The following USH2A variants were observed in gnomAD, a reference collection of about 807,000 sequenced individuals.
The protein encoded by USH2A is usherin, also known as Usher syndrome 2A (autosomal recessive, mild).
USH2A carries 443 observed loss-of-function variants against 538.9 expected under a neutral mutation model. That is an observed-to-expected ratio of 0.82 (90% CI 0.76 to 0.89). The LOEUF is 0.89. USH2A is among the 40% of genes least tolerant of loss of function. The pLI, the probability that USH2A is intolerant of heterozygous loss-of-function variation, is 0.00. For synonymous variants in USH2A, 2,413 were observed against 2,273.5 expected, an observed-to-expected ratio of 1.06 and a Z score of -1.75; for missense variants, 6,633 against 6,324.8, an observed-to-expected ratio of 1.05 and a Z score of -1.65.
intron 62 of USH2A, among the ~76,000 whole-genome samples, chr1:215,679,854 A>G (rs1658164930): frequency 6.6e-6 from 1 of 152,158 alleles, no homozygotes; most frequent in African/African-American, 2.4e-5. Flanking sequence ...AGGCTTGGGC[A>G]GTTACTTAGC....
intron 35 of USH2A, among the ~76,000 whole-genome samples, chr1:215,984,767 T>TATAG (rs1267982432): frequency 5.3e-5 from 8 of 152,166 alleles, no homozygotes; most frequent in Non-Finnish European, 1.0e-4. Context: ...GTGTAGTGAA[T>TATAG]ATAGATGCTC....
chr1:215,724,534 C>T (rs1008684552), intron 61 of USH2A, among the ~76,000 whole-genome samples: 23 of 152,048 alleles, frequency 1.5e-4, no homozygotes, highest in African/African-American at 5.1e-4. Flanking sequence ...ATTTGTGCGA[C>T]GGTTACACTA....
At chr1:216,254,632 A>G (rs1055136599) in intron 11 of USH2A, among the ~76,000 whole-genome samples, 5 of 152,214 alleles carry the variant, frequency 3.3e-5, no homozygotes, top group Non-Finnish European at 7.3e-5. Flanking sequence ...TCCTGCTGGA[A>G]TATTAGAGGT....
At chr1:215,804,265 A>G (rs1024708949) in intron 49 of USH2A, among the ~76,000 whole-genome samples, 14 of 152,054 alleles carry the variant, frequency 9.2e-5, no homozygotes, top group African/African-American at 3.4e-4. Flanking sequence ...AATGGCAACA[A>G]AAGCCAAAAT....
At chr1:216,119,447 A>G (rs1451563933) in intron 21 of USH2A, among the ~76,000 whole-genome samples, 1 of 151,586 alleles carries the variant, frequency 6.6e-6, no homozygotes, top group Non-Finnish European at 1.5e-5. Context: ...ATAACATTAT[A>G]TATATGGTAT....
rs1057427989 is a variant in USH2A, at chr1:215,900,644, T to C, written c.7451+111A>G. 3.5e-6 allele frequency: 5 copies of C among 1,420,794 alleles called. No individual in the cohort carries two copies. In the African/African-American group the frequency reaches 5.7e-5, roughly 16 times the overall value. The allele number at this position is 1,420,794 out of a possible 1,614,324, so 88.0% of individuals were successfully genotyped here. ...CTAATTGTTTGGGGTTTTTTTGTAC[T>C]TTTAAAAGGTAACCTATATTTTTTG... On this transcript the variant is annotated intron_variant, in intron 39 of 71. Transcript: ENST00000307340.
At chr1:216,310,728 T>C (rs2037404519) in intron 9 of USH2A, among the ~76,000 whole-genome samples, 1 of 152,218 alleles carries the variant, frequency 6.6e-6, no homozygotes. Context: ...CTAATGAATT[T>C]CTGAATTATT....
Position 216,086,724 on chromosome 1 carries a change from T to C in USH2A, c.4982A>G (p.Asp1661Gly). 6.2e-7 allele frequency: 1 copy of C among 1,611,570 alleles called. No individual in the cohort carries two copies. Among genetic ancestry groups the C allele is most frequent in the Non-Finnish European group, 8.5e-7 (1 of 1,178,192 alleles). The change falls in exon 24 of 72, where the codon GAT becomes GGT. Residue 1661 changes from aspartate to glycine, a missense_variant. Transcript: ENST00000307340. ...ATATACCTTACTAAACTCACCAGGATCCTTCCTGAGGATGGTATAACTTCG... is the reference window on the plus strand; with the variant it reads ...ATATACCTTACTAAACTCACCAGGACCCTTCCTGAGGATGGTATAACTTCG... Reference protein sequence around the residue: ...LPRSYTILRKDPEIIQKGFVG... With the variant: ...LPRSYTILRKGPEIIQKGFVG...
At chr1:215,849,145 C>T (rs1663948622) in intron 44 of USH2A, among the ~76,000 whole-genome samples, 1 of 152,142 alleles carries the variant, frequency 6.6e-6, no homozygotes, top group African/African-American at 2.4e-5. Flanking sequence ...AGGCTTCTTC[C>T]TAGCATAAGA....
intron 49 of USH2A, among the ~76,000 whole-genome samples, chr1:215,805,491 G>A (rs1467628439): frequency 6.6e-6 from 1 of 151,988 alleles, no homozygotes; most frequent in African/African-American, 2.4e-5. Flanking sequence ...AGATAAAAGA[G>A]CTCTAGAGAT....
intron 41 of USH2A, among the ~76,000 whole-genome samples, chr1:215,884,688 A>G (rs1276667520): frequency 6.6e-6 from 1 of 152,228 alleles, no homozygotes; most frequent in Non-Finnish European, 1.5e-5. Flanking sequence ...GTAGACATCA[A>G]ACATTGGCCC....
intron 3 of USH2A, among the ~76,000 whole-genome samples, chr1:216,418,023 A>T (rs1265938721): frequency 6.6e-6 from 1 of 152,078 alleles, no homozygotes; most frequent in Admixed American, 6.6e-5. Context: ...ATAATAATAT[A>T]ACACCTTTTG....
chr1:216,041,422 G>C (rs1448198446), intron 32 of USH2A, among the ~76,000 whole-genome samples: 17 of 152,040 alleles, frequency 1.1e-4, no homozygotes, highest in Admixed American at 1.1e-3. Context: ...ATGCTAAGTG[G>C]CTTCTGAATT....
At chr1:216,092,806 C>A (rs1381308192) in intron 22 of USH2A, among the ~76,000 whole-genome samples, 2 of 152,200 alleles carry the variant, frequency 1.3e-5, no homozygotes, top group African/African-American at 4.8e-5. Flanking sequence ...GATCCTAAGG[C>A]CATCCTGCTC....
At position 215,680,365 on chromosome 1, in the gene USH2A, A is replaced by G; in HGVS notation, c.12078T>C (p.His4026=). The change falls in exon 62 of 72, where the codon CAT becomes CAC. Residue 4026 remains histidine (H), a synonymous_variant. Transcript: ENST00000307340. ...VHAFTVKGTS[H]QAHLYGLEPF... ...GTTCTAACCCGTACAGGTGGGCTTG[A>G]TGGCTTGTTCCCTGTAAGAAAATTA... is the stretch of plus-strand genomic sequence containing the variant. The G allele has an allele frequency of 1.2e-6, 2 of 1,613,372 alleles. No homozygotes were observed. The highest frequency in any genetic ancestry group is 1.7e-6 in the Non-Finnish European group (2 of 1,179,864).
intron 35 of USH2A, among the ~76,000 whole-genome samples, chr1:215,985,704 C>T (rs1667854839): frequency 6.6e-6 from 1 of 152,020 alleles, no homozygotes; most frequent in Admixed American, 6.5e-5. Flanking sequence ...ATACATATAT[C>T]TTCATGTGCA....
chr1:215,741,031 TGGGGG>T (rs570033042), intron 60 of USH2A, among the ~76,000 whole-genome samples: 115 of 152,292 alleles, frequency 7.6e-4, no homozygotes, highest in African/African-American at 2.7e-3. Flanking sequence ...CTCTGTGGCC[TGGGGG>T]TTAGGAACCC....
chr1:215,785,505 G>T (rs1168962497), intron 52 of USH2A, among the ~76,000 whole-genome samples: 1 of 152,102 alleles, frequency 6.6e-6, no homozygotes, highest in African/African-American at 2.4e-5. Context: ...TGATTGCTTT[G>T]TTGGTAACTG....
intron 3 of USH2A, among the ~76,000 whole-genome samples, chr1:216,389,054 C>A (rs974475210): frequency 3.3e-5 from 5 of 151,948 alleles, no homozygotes; most frequent in Non-Finnish European, 7.4e-5. Context: ...ACTAAAGGGG[C>A]CATTTCTGGA....
Sources: gnomAD v4.1 joint callset for allele counts (sites outside exome capture counted in the v4.1 genomes callset) on GRCh38, gnomAD v4.1.1 for gene constraint, MANE v1.5 for transcripts, NCBI Gene and HGNC (gene_info 2026-07-23, HGNC 2026-07-21) for gene names.